ADAMTS19: variants seen among roughly 807,000 people sequenced by gnomAD.
The protein encoded by ADAMTS19 is ADAM metallopeptidase with thrombospondin type 1 motif 19.
ADAMTS19 carries 93 observed loss-of-function variants against 153.3 expected under a neutral mutation model. The observed-to-expected ratio is 0.61, with a 90% confidence interval of 0.51 to 0.72. The LOEUF (loss-of-function observed/expected upper bound fraction) is 0.72, where lower values mean the gene tolerates loss of function less well. ADAMTS19 is among the 30% of genes least tolerant of loss of function. The pLI is 0.00. For synonymous variants in ADAMTS19, 600 were observed against 556.6 expected, an observed-to-expected ratio of 1.08 and a Z score of -1.10; for missense variants, 1,482 against 1,552.1, an observed-to-expected ratio of 0.95 and a Z score of 0.76.
intron 10 of ADAMTS19, among the ~76,000 whole-genome samples, chr5:129,640,539 T>A (rs75318846): frequency 0.061 from 9,218 of 152,250 alleles, 408 homozygotes; most frequent in Non-Finnish European, 0.087. Context: ...TAACCTATTA[T>A]CTTATCAATC....
At position 129,699,419 on chromosome 5, in the gene ADAMTS19, T is replaced by C. The variant is rs1581238826; in HGVS notation, c.2955-1969T>C. 4.2e-5 allele frequency among the ~76,000 whole-genome samples: 5 copies of C among 117,756 alleles called. 1 individual carries two copies. The South Asian group carries it at 1.3e-3, about 31-fold the overall frequency. 77.3% of individuals were successfully genotyped at this position (117,756 alleles called of 152,430 possible). On this transcript the variant is annotated intron_variant, in intron 19 of 22. Coordinates refer to ENST00000274487, the MANE Select transcript of ADAMTS19 (RefSeq NM_133638.6). The stretch of plus-strand genomic sequence containing the variant: ...GCCTGGGCAACACAGTGAGACTTCA[T>C]CTCAAAAAAAAAAAAAAAAAAGAAA...
chr5:129,470,193 C>A (rs1286974906), intron 2 of ADAMTS19, among the ~76,000 whole-genome samples: 1 of 152,050 alleles, frequency 6.6e-6, no homozygotes, highest in Non-Finnish European at 1.5e-5. Flanking sequence ...TTTTAAATAA[C>A]AAAATTCTTT....
intron 6 of ADAMTS19, among the ~76,000 whole-genome samples, chr5:129,530,354 A>G (rs370405351): frequency 9.2e-5 from 14 of 152,294 alleles, no homozygotes; most frequent in Admixed American, 7.2e-4. Flanking sequence ...ACATAATGGC[A>G]AAAATTTCTG....
intron 8 of ADAMTS19, among the ~76,000 whole-genome samples, chr5:129,601,572 A>G (rs1441128567): frequency 6.6e-6 from 1 of 152,150 alleles, no homozygotes; most frequent in African/African-American, 2.4e-5. Context: ...GGTTTTGCTC[A>G]TGGTTACAGT....
In ADAMTS19 at chr5:129,666,509, C is replaced by T. The variant is rs139553434; in HGVS notation, c.2506+930C>T. On this transcript the variant is annotated intron_variant, in intron 16 of 22. Coordinates refer to ENST00000274487, the MANE Select transcript of ADAMTS19 (RefSeq NM_133638.6). ...TTGTATATAGAAACAACTCAGCTTA[C>T]GTGATTGTTTCTACTCTGCAGTATC... Among the ~76,000 whole-genome samples the T allele has an allele frequency of 4.5e-3, 680 of 152,122 alleles. 8 individuals carry two copies. Among genetic ancestry groups the T allele is most frequent in the African/African-American group, 0.015 (631 of 41,522 alleles).
At chr5:129,593,900 A>G (rs1344602134) in intron 7 of ADAMTS19, among the ~76,000 whole-genome samples, 1 of 152,122 alleles carries the variant, frequency 6.6e-6, no homozygotes, top group Non-Finnish European at 1.5e-5. Context: ...GGCTGTTCTA[A>G]TCTTTGAATC....
intron 6 of ADAMTS19, among the ~76,000 whole-genome samples, chr5:129,550,724 C>A (rs1310105064): frequency 6.6e-6 from 1 of 151,082 alleles, no homozygotes; most frequent in South Asian, 2.1e-4. Flanking sequence ...TTTTTTTTAT[C>A]ATTTAGATAC....
At chr5:129,677,476 C>CAA (rs34211136) in intron 16 of ADAMTS19, among the ~76,000 whole-genome samples, 34 of 135,834 alleles carry the variant, frequency 2.5e-4, no homozygotes, top group Middle Eastern at 3.9e-3. Flanking sequence ...GACTCCGTCT[C>CAA]AAAAAAAAAA....
intron 6 of ADAMTS19, among the ~76,000 whole-genome samples, chr5:129,533,561 T>G (rs1752292281): frequency 6.6e-6 from 1 of 152,302 alleles, no homozygotes; most frequent in African/African-American, 2.4e-5. Context: ...GATTCATTGA[T>G]TTTTTGAAGG....
At chr5:129,469,452 A>C (rs369136334) in intron 2 of ADAMTS19, among the ~76,000 whole-genome samples, 1 of 152,300 alleles carries the variant, frequency 6.6e-6, no homozygotes, top group Non-Finnish European at 1.5e-5. Context: ...AGGAGAGTAA[A>C]TTTGTAGAGT....
intron 6 of ADAMTS19, among the ~76,000 whole-genome samples, chr5:129,545,378 G>T (rs917532302): frequency 2.0e-5 from 3 of 152,136 alleles, no homozygotes; most frequent in Non-Finnish European, 4.4e-5. Context: ...ACATAGAGTG[G>T]TTAAGAGATG....
In ADAMTS19 at chr5:129,461,234, G is replaced by A; in HGVS notation, c.224G>A (p.Gly75Asp). ...DPGWVRGVGG[G>D]GSARAQAAGS... ...GGCTGGGTGCGCGGCGTTGGGGGCG[G>A]CGGAAGCGCCCGGGCGCAGGCTGCC... Residue 75 changes from glycine to aspartate, a missense_variant, in exon 2 of 23, where the codon GGC (glycine) becomes GAC (aspartate). Gly to Asp is a moderately conservative substitution (Grantham distance 94). Transcript: ENST00000274487. This position sits in a 1 kb window ranked among gnomAD's most constrained non-coding sequence, Gnocchi z 4.6. 1 of 1,267,110 alleles carries A rather than the reference G, an allele frequency of 7.9e-7. No individual in the cohort carries two copies. Among genetic ancestry groups the A allele is most frequent in the Non-Finnish European group, 9.9e-7 (1 of 1,012,452 alleles). 78.5% of individuals were successfully genotyped at this position (1,267,110 alleles called of 1,614,324 possible). A position where few individuals can be genotyped will look rare whatever the true frequency, so the allele number is the denominator to read the frequency against.
intron 7 of ADAMTS19, among the ~76,000 whole-genome samples, chr5:129,588,584 T>C (rs1212404837): frequency 1.3e-5 from 2 of 151,970 alleles, no homozygotes; most frequent in African/African-American, 4.8e-5. Context: ...TTATCATTAG[T>C]TTGAGATGAA....
At chr5:129,557,358 G>A (rs1261776194) in intron 7 of ADAMTS19, among the ~76,000 whole-genome samples, 5 of 152,132 alleles carry the variant, frequency 3.3e-5, no homozygotes, top group Non-Finnish European at 1.5e-5. Flanking sequence ...AGCTCTTTGG[G>A]AGGCTGAGGC....
rs1173434930 is a variant in ADAMTS19 at position 129,543,009 on chromosome 5, GTTTTTGTTGTTGTTTT to G, written c.1329-8840_1329-8825del. ...TAAATTATCAAGAATGGATTAACTA[GTTTTTGTTGTTGTTTT>G]TTTTTGTTGTTGTTGTTGTTTTGTT... On this transcript the variant is annotated intron_variant, in intron 6 of 22. Coordinates refer to ENST00000274487, the MANE Select transcript of ADAMTS19 (RefSeq NM_133638.6). Among the ~76,000 whole-genome samples the G allele has an allele frequency of 2.3e-3, 337 of 147,642 alleles. 2 individuals are homozygous for G. Among genetic ancestry groups the G allele is most frequent in the South Asian group, 3.7e-3 (17 of 4,648 alleles).
intron 13 of ADAMTS19, among the ~76,000 whole-genome samples, chr5:129,649,458 A>G (rs550580764): frequency 6.6e-6 from 1 of 152,330 alleles, no homozygotes; most frequent in South Asian, 2.1e-4. Context: ...CAATCTCAAA[A>G]GGTCCCATGT....
intron 4 of ADAMTS19, among the ~76,000 whole-genome samples, chr5:129,526,801 T>C (rs1347462052): frequency 2.1e-5 from 3 of 142,614 alleles, no homozygotes; most frequent in Non-Finnish European, 4.8e-5. Context: ...TGCATGTATT[T>C]ATTTATTTAT....
intron 7 of ADAMTS19, among the ~76,000 whole-genome samples, chr5:129,587,557 C>T (rs746824685): frequency 1.3e-5 from 2 of 152,138 alleles, no homozygotes; most frequent in Non-Finnish European, 2.9e-5. Context: ...AGTATGGGAA[C>T]TAATGATCTA....
intron 2 of ADAMTS19, among the ~76,000 whole-genome samples, chr5:129,506,397 T>C (rs1751269346): frequency 6.6e-6 from 1 of 152,026 alleles, no homozygotes; most frequent in African/African-American, 2.4e-5. Flanking sequence ...GTTTTTTCCT[T>C]TTTAAAAGTA....
Sources: allele counts gnomAD v4.1 joint callset (sites outside exome capture counted in the v4.1 genomes callset), GRCh38; gene constraint gnomAD v4.1.1; non-coding constraint Gnocchi (gnomAD v3.1); transcripts MANE v1.5; gene names NCBI Gene and HGNC (gene_info 2026-07-23, HGNC 2026-07-21).